MALT1: variants seen among roughly 807,000 people sequenced by gnomAD.
MALT1 encodes the protein mucosa-associated lymphoid tissue lymphoma translocation protein 1.
MALT1 carries 36 observed loss-of-function variants against 85.5 expected under a neutral mutation model. The ratio of observed to expected loss-of-function variants is 0.42; its 90% CI spans 0.32 to 0.56. The LOEUF (loss-of-function observed/expected upper bound fraction) is 0.56, where lower values mean the gene tolerates loss of function less well. Among genes scored for constraint, MALT1 ranks in the 20% least tolerant of loss-of-function variants. The pLI, the probability that MALT1 is intolerant of heterozygous loss-of-function variation, is 0.10. For synonymous variants in MALT1, 359 were observed against 361.3 expected, an observed-to-expected ratio of 0.99 and a Z score of 0.07; for missense variants, 716 against 981.6, an observed-to-expected ratio of 0.73 and a Z score of 3.62.
At chr18:58,690,557 G>A (rs1602287487) in intron 2 of MALT1, 2 of 161,552 alleles carry the variant, frequency 1.2e-5, no homozygotes, top group African/African-American at 2.4e-5. Context: ...CTTCACGCCC[G>A]GGCTGCCACC....
chr18:58,726,746 C>T (rs917776134), intron 10 of MALT1, among the ~76,000 whole-genome samples: 2 of 152,084 alleles, frequency 1.3e-5, no homozygotes, highest in Non-Finnish European at 2.9e-5. Context: ...AAAAAGTAAC[C>T]CTTTGGCCTG....
At chr18:58,726,933 G>A (rs2055063440) in intron 10 of MALT1, among the ~76,000 whole-genome samples, 1 of 152,222 alleles carries the variant, frequency 6.6e-6, no homozygotes, top group Admixed American at 6.5e-5. Context: ...CCTTAGCATA[G>A]CTAGCCTGGG....
chr18:58,744,955 C>T lies in MALT1; in HGVS notation c.1911+460C>T, dbSNP rs968648537. 5.3e-5 allele frequency among the ~76,000 whole-genome samples: 8 copies of T among 152,228 alleles called. No individual in the cohort carries two copies. In the East Asian group the frequency reaches 1.5e-3, roughly 29 times the overall value. On this transcript the variant is annotated intron_variant, in intron 15 of 16. Transcript: ENST00000649217. Reference sequence around the variant, plus strand: ...CTAAAGAAGCCAGTAAATAGTACCCCTCTTTCCTACATGAGTGTGACAAAC... The same window carrying T: ...CTAAAGAAGCCAGTAAATAGTACCCTTCTTTCCTACATGAGTGTGACAAAC...
intron 12 of MALT1, chr18:58,734,631 C>G (rs937892763): frequency 4.9e-6 from 2 of 407,484 alleles, no homozygotes; most frequent in Non-Finnish European, 8.8e-6. Flanking sequence ...TAGAAAATAC[C>G]TATAGACATG....
intron 2 of MALT1, among the ~76,000 whole-genome samples, chr18:58,689,713 T>A (rs1316691116): frequency 1.3e-5 from 2 of 152,210 alleles, no homozygotes; most frequent in Admixed American, 1.3e-4. Context: ...TAGAGACATT[T>A]CCCAGAGAAG....
At chr18:58,745,879 T>C (rs780465604) in intron 16 of MALT1, 88 bp downstream of exon 16, 132 of 1,227,130 alleles carry the variant, frequency 1.1e-4, no homozygotes, top group Non-Finnish European at 1.5e-4. Flanking sequence ...TATGCTGCCT[T>C]ATTATTAAAG....
chr18:58,727,616 G>GTTGTTTT (rs2055077320), intron 10 of MALT1, among the ~76,000 whole-genome samples: 1 of 121,264 alleles, frequency 8.2e-6, no homozygotes, highest in African/African-American at 3.3e-5. Flanking sequence ...GGTTTTTTGT[G>GTTGTTTT]TTTTTTTTTT....
intron 1 of MALT1, among the ~76,000 whole-genome samples, chr18:58,674,292 G>T (rs1417090288): frequency 6.6e-6 from 1 of 152,182 alleles, no homozygotes. Flanking sequence ...TTGTTTGGGG[G>T]AACTAAAGGA....
chr18:58,695,088 C>T (rs543295256), intron 2 of MALT1, among the ~76,000 whole-genome samples: 12 of 152,268 alleles, frequency 7.9e-5, no homozygotes, highest in South Asian at 2.1e-4. Flanking sequence ...GTTCCCTGCC[C>T]GCACCTTCTT....
chr18:58,679,657 G>A (rs565041044), intron 1 of MALT1, among the ~76,000 whole-genome samples: 7 of 152,226 alleles, frequency 4.6e-5, no homozygotes, highest in African/African-American at 1.2e-4. Context: ...GGGTTCAAGC[G>A]ATTCTTGTGC....
At chr18:58,742,253 A>C (rs1302042898) in intron 14 of MALT1, among the ~76,000 whole-genome samples, 2 of 152,212 alleles carry the variant, frequency 1.3e-5, no homozygotes, top group Non-Finnish European at 2.9e-5. Context: ...TGACCATTTA[A>C]AAATTTTTCT....
At chr18:58,718,557 T>A (rs2054936368) in intron 9 of MALT1, among the ~76,000 whole-genome samples, 1 of 152,138 alleles carries the variant, frequency 6.6e-6, no homozygotes, top group African/African-American at 2.4e-5. Flanking sequence ...GATGGAACAA[T>A]TTCATCTCAA....
chr18:58,681,089 A>G (rs2054316343), intron 1 of MALT1, 81 bp from the exon 2 acceptor site: 2 of 1,284,244 alleles, frequency 1.6e-6, no homozygotes, highest in African/African-American at 1.5e-5. Flanking sequence ...TATTCCATAC[A>G]GCACCACCGT....
chr18:58,747,262 T>A, intron 16 of MALT1, 143 bp from the exon 17 acceptor site: 1 of 616,800 alleles, frequency 1.6e-6, no homozygotes, highest in South Asian at 1.9e-5. Context: ...CAGGGAGATA[T>A]AAAGGATGCC....
intron 9 of MALT1, among the ~76,000 whole-genome samples, chr18:58,719,198 C>G (rs140403030): frequency 0.012 from 1,813 of 152,262 alleles, 22 homozygotes; most frequent in Admixed American, 0.024. Flanking sequence ...CTTGGGGTCT[C>G]TCATGCAACT....
At chr18:58,692,304 CTA>C (rs1690509441) in intron 2 of MALT1, among the ~76,000 whole-genome samples, 1 of 152,004 alleles carries the variant, frequency 6.6e-6, no homozygotes, top group African/African-American at 2.4e-5. Context: ...GAAAAAAAAA[CTA>C]TTATAATTGT....
In MALT1 at chr18:58,722,834, C is replaced by T. The variant is rs150966124; in HGVS notation, c.1019-214C>T. 2.6e-3 allele frequency among the ~76,000 whole-genome samples: 389 copies of T among 152,258 alleles called. 3 individuals are homozygous for T. The highest frequency in any genetic ancestry group is 3.4e-3 in the Middle Eastern group (1 of 292). On this transcript the variant is annotated intron_variant, in intron 9 of 16. Transcript: ENST00000649217. ...CCTGGCTCTCAAAAGTGTGAATATG[C>T]TTAATTTCAGTTTGATGATTTTAGC...
chr18:58,673,657 G>C (rs1200065654), intron 1 of MALT1, among the ~76,000 whole-genome samples: 2 of 152,088 alleles, frequency 1.3e-5, no homozygotes, highest in African/African-American at 2.4e-5. Context: ...GGGTTTTGCT[G>C]TGTTAGCCAG....
intron 2 of MALT1, among the ~76,000 whole-genome samples, chr18:58,687,156 A>G (rs545388380): frequency 1.3e-5 from 2 of 152,286 alleles, no homozygotes; most frequent in African/African-American, 2.4e-5. Context: ...TTCTTATTTC[A>G]TGAATATGAG....
Sources: allele counts gnomAD v4.1 joint callset (sites outside exome capture counted in the v4.1 genomes callset), GRCh38; gene constraint gnomAD v4.1.1; transcripts MANE v1.5; gene names NCBI Gene and HGNC (gene_info 2026-07-23, HGNC 2026-07-21).